ANKRD34C: variants seen among roughly 807,000 people sequenced by gnomAD.
The protein encoded by ANKRD34C is ankyrin repeat domain 34C.
For synonymous variants in ANKRD34C, 260 were observed against 253.6 expected (o/e 1.03, Z -0.24); for missense variants, 563 against 653.0 (o/e 0.86, Z 1.50).
At chr15:79,292,519 G>A (rs1483160892) in intron 1 of ANKRD34C, among the ~76,000 whole-genome samples, 1 of 152,102 alleles carries the variant, frequency 6.6e-6, no homozygotes, top group East Asian at 1.9e-4. Context: ...TTCTGAATAC[G>A]GAGAATATGA....
At position 79,293,426 on chromosome 15, in the gene ANKRD34C, C is replaced by G; in HGVS notation, c.142C>G (p.Leu48Val). The change falls in exon 2 of 2, where the codon CTC becomes GTC. Residue 48 changes from leucine to valine, a missense_variant. Physicochemically the swap from Leu to Val is conservative, Grantham distance 32 (BLOSUM62 1). Transcript: ENST00000421388. ...AAGCAATGACAAAGGCGAAACAGCT[C>G]TCATGGTGGCGTGCATCACCAAACA... ...NESNDKGETA[L>V]MVACITKHVD... 1 of 1,551,690 alleles carries G rather than the reference C, an allele frequency of 6.4e-7. No homozygotes were observed.
intron 1 of ANKRD34C, among the ~76,000 whole-genome samples, chr15:79,284,261 A>G (rs1159375350): frequency 6.6e-6 from 1 of 152,188 alleles, no homozygotes; most frequent in Non-Finnish European, 1.5e-5. Context: ...GCCAGATTGC[A>G]GTGGTGGGAG....
rs754807675 is a variant in ANKRD34C at position 79,293,437 on chromosome 15, G to A, written c.153G>A (p.Ala51=). 3.0e-5 allele frequency: 46 copies of A among 1,551,584 alleles called. No individual in the cohort carries two copies. Among genetic ancestry groups the A allele is most frequent in the East Asian group, 1.2e-4 (5 of 40,926 alleles). The part of the protein sequence containing the change: ...NDKGETALMV[A]CITKHVDQQS... ...AAGGCGAAACAGCTCTCATGGTGGC[G>A]TGCATCACCAAACATGTGGACCAGC... The change falls in exon 2 of 2, where the codon GCG becomes GCA. Residue 51 remains alanine (A), a synonymous_variant. Coordinates refer to ENST00000421388, the MANE Select transcript of ANKRD34C (RefSeq NM_001146341.2).
At chr15:79,289,102 G>A (rs1022667936) in intron 1 of ANKRD34C, among the ~76,000 whole-genome samples, 1 of 152,186 alleles carries the variant, frequency 6.6e-6, no homozygotes, top group Non-Finnish European at 1.5e-5. Flanking sequence ...TTACAGGCGT[G>A]AGCCACCGTG....
Position 79,296,031 on chromosome 15 carries a change from A to C in ANKRD34C, c.*1139A>C, listed in dbSNP as rs2141204248. The C allele has an allele frequency of 6.0e-6, 1 of 167,252 alleles. No homozygotes were observed. The highest frequency in any genetic ancestry group is 2.1e-4 in the South Asian group (1 of 4,834). 10.4% of individuals were successfully genotyped at this position (167,252 alleles called of 1,614,324 possible). On this transcript the variant is annotated 3_prime_UTR_variant, in exon 2 of 2. Coordinates refer to ENST00000421388, the MANE Select transcript of ANKRD34C (RefSeq NM_001146341.2). Reference sequence around the variant, plus strand: ...AATCCAAGAAGGAAAGCAGAGACTTAGCACATTTGGTATAATGTAGCCACA... The same window carrying C: ...AATCCAAGAAGGAAAGCAGAGACTTCGCACATTTGGTATAATGTAGCCACA...
Position 79,293,654 on chromosome 15 carries a change from G to A in ANKRD34C, c.370G>A (p.Val124Ile). ...LEDRTGASAL[V>I]YAINADDKDA... ...AGATCGCACTGGGGCTTCAGCTCTGGTTTATGCAATAAATGCAGATGACAA... is the reference window on the plus strand; with the variant it reads ...AGATCGCACTGGGGCTTCAGCTCTGATTTATGCAATAAATGCAGATGACAA... Residue 124 changes from valine (V) to isoleucine (I), a missense_variant, in exon 2 of 2, where the codon GTT becomes ATT. Physicochemically the swap from Val to Ile is conservative, Grantham distance 29. Transcript: ENST00000421388. 1 of 1,551,648 alleles carries A rather than the reference G, an allele frequency of 6.4e-7. No individual in the cohort carries two copies. The highest frequency in any genetic ancestry group is 8.7e-7 in the Non-Finnish European group (1 of 1,146,974).
In ANKRD34C at chr15:79,294,641, G is replaced by T. The variant is rs1356441438; in HGVS notation, c.1357G>T (p.Asp453Tyr). The change falls in exon 2 of 2, where the codon GAT becomes TAT. Residue 453 changes from aspartate to tyrosine, a missense_variant. Transcript: ENST00000421388. ...ACGAGGTTCTGGAACTCTGCTCCTT[G>T]ATCGCATTTCTCACACTAGGCCTGG... ...ERRGSGTLLL[D>Y]RISHTRPGFL... The T allele has an allele frequency of 6.4e-7, 1 of 1,551,646 alleles. No homozygotes were observed. Among genetic ancestry groups the T allele is most frequent in the Non-Finnish European group, 8.7e-7 (1 of 1,146,984 alleles).
Position 79,298,032 on chromosome 15 carries a change from G to T in ANKRD34C, c.*3140G>T, listed in dbSNP as rs1180596593. 1.2e-5 allele frequency: 2 copies of T among 166,554 alleles called. No homozygotes were observed. The highest frequency in any genetic ancestry group is 1.3e-4 in the Admixed American group (2 of 15,246). 10.3% of individuals were successfully genotyped at this position (166,554 alleles called of 1,614,324 possible). Reference sequence around the variant, plus strand: ...TCTCTTAGAACTTCATCAAGTAAATGGTACCTTGCAAATGTAGGTTGTGTC... The same window carrying T: ...TCTCTTAGAACTTCATCAAGTAAATTGTACCTTGCAAATGTAGGTTGTGTC... On this transcript the variant is annotated 3_prime_UTR_variant, in exon 2 of 2. Coordinates refer to ENST00000421388, the MANE Select transcript of ANKRD34C (RefSeq NM_001146341.2).
At position 79,295,654 on chromosome 15, in the gene ANKRD34C, A is replaced by T. The variant is rs2058670580; in HGVS notation, c.*762A>T. 6.0e-6 allele frequency: 1 copy of T among 167,112 alleles called. No homozygotes were observed. Among genetic ancestry groups the T allele is most frequent in the Non-Finnish European group, 1.5e-5 (1 of 68,122 alleles). The allele number at this position is 167,112 out of a possible 1,614,324, so 10.4% of individuals were successfully genotyped here. A position where few individuals can be genotyped will look rare whatever the true frequency, so the allele number is the denominator to read the frequency against. On this transcript the variant is annotated 3_prime_UTR_variant, in exon 2 of 2. Coordinates refer to ENST00000421388, the MANE Select transcript of ANKRD34C (RefSeq NM_001146341.2). ...CAGGCTCTTGTATTGAAATCTTGTGAAAAACAGTCAAGGTTAACTAACTTG... is the reference window on the plus strand; with the variant it reads ...CAGGCTCTTGTATTGAAATCTTGTGTAAAACAGTCAAGGTTAACTAACTTG...
chr15:79,285,201 G>C (rs1320119752), intron 1 of ANKRD34C, among the ~76,000 whole-genome samples: 1 of 152,120 alleles, frequency 6.6e-6, no homozygotes, highest in Non-Finnish European at 1.5e-5. Context: ...AACTTGCTCT[G>C]GTCTCTAAGT....
chr15:79,293,943 G>A lies in ANKRD34C; in HGVS notation c.659G>A (p.Cys220Tyr). 1 of 1,551,672 alleles carries A rather than the reference G, an allele frequency of 6.4e-7. No individual in the cohort carries two copies. Among genetic ancestry groups the A allele is most frequent in the East Asian group, 2.4e-5 (1 of 40,910 alleles). ...CTCCAAGCAGGGCATCCAAGCAGTT[G>A]TAACACCTCCAAGGCTGTTAATGAG... The part of the protein sequence containing the change: ...FSLQAGHPSS[C>Y]NTSKAVNEPG... Residue 220 changes from cysteine (C) to tyrosine (Y), a missense_variant, in exon 2 of 2, where the codon TGT becomes TAT. Transcript: ENST00000421388.
chr15:79,292,363 C>G (rs1334530463), intron 1 of ANKRD34C, among the ~76,000 whole-genome samples: 1 of 152,200 alleles, frequency 6.6e-6, no homozygotes, highest in Non-Finnish European at 1.5e-5. Context: ...AGAATCAAAA[C>G]AGAAAACTCA....
intron 1 of ANKRD34C, among the ~76,000 whole-genome samples, chr15:79,291,519 A>G (rs1244645145): frequency 6.6e-6 from 1 of 151,596 alleles, no homozygotes; most frequent in African/African-American, 2.4e-5. Flanking sequence ...AGGAATAAAA[A>G]TAATTAAAAT....
At position 79,288,482 on chromosome 15, in the gene ANKRD34C, G is replaced by A. The variant is rs548998309; in HGVS notation, c.-44-4759G>A. ...ATTGGTCAACATCTGTTCTACAAAGGGTTAACTCCCTCATACTTCTTGGTT... is the reference window on the plus strand; with the variant it reads ...ATTGGTCAACATCTGTTCTACAAAGAGTTAACTCCCTCATACTTCTTGGTT... On this transcript the variant is annotated intron_variant, in intron 1 of 1. Transcript: ENST00000421388. Among the ~76,000 whole-genome samples, 11 of 152,236 alleles carry A rather than the reference G, an allele frequency of 7.2e-5. No individual in the cohort carries two copies. In the South Asian group the frequency reaches 2.1e-3, roughly 29 times the overall value.
intron 1 of ANKRD34C, among the ~76,000 whole-genome samples, chr15:79,291,587 CACACACACACACACAG>C (rs1435141846): frequency 8.5e-6 from 1 of 117,868 alleles, no homozygotes; most frequent in African/African-American, 3.3e-5. Context: ...CACACACACA[CACACACACACACACAG>C]AGAGAGAGAG....
rs1261979708 is a variant in ANKRD34C at position 79,294,484 on chromosome 15, A to T, written c.1200A>T (p.Lys400Asn). ...PPNSISLESGKGPLDRKKLNS... is the reference protein window; with the variant it reads ...PPNSISLESGNGPLDRKKLNS... The stretch of plus-strand genomic sequence containing the variant: ...ACTCCATTTCCCTTGAATCCGGCAA[A>T]GGACCTTTAGATAGAAAGAAGCTCA... Residue 400 changes from lysine to asparagine, a missense_variant, in exon 2 of 2, where the codon AAA becomes AAT. Coordinates refer to ENST00000421388, the MANE Select transcript of ANKRD34C (RefSeq NM_001146341.2). 1.9e-6 allele frequency: 3 copies of T among 1,551,614 alleles called. No individual in the cohort carries two copies. The highest frequency in any genetic ancestry group is 2.6e-6 in the Non-Finnish European group (3 of 1,147,006).
In ANKRD34C at chr15:79,294,643, T is replaced by A; in HGVS notation, c.1359T>A (p.Asp453Glu). ...GAGGTTCTGGAACTCTGCTCCTTGA[T>A]CGCATTTCTCACACTAGGCCTGGCT... is the stretch of plus-strand genomic sequence containing the variant. ...ERRGSGTLLL[D>E]RISHTRPGFL... The change falls in exon 2 of 2, where the codon GAT (aspartate) becomes GAA (glutamate). Residue 453 changes from aspartate (D) to glutamate (E), a missense_variant. Transcript: ENST00000421388. The A allele has an allele frequency of 6.4e-7, 1 of 1,551,698 alleles. No individual in the cohort carries two copies.
chr15:79,286,204 A>T (rs1229155811), intron 1 of ANKRD34C, among the ~76,000 whole-genome samples: 1 of 81,854 alleles, frequency 1.2e-5, no homozygotes, highest in Non-Finnish European at 2.3e-5. Flanking sequence ...CAGACCAGAG[A>T]GGTGAAAGTG....
intron 1 of ANKRD34C, among the ~76,000 whole-genome samples, chr15:79,290,547 C>T (rs1372974041): frequency 6.6e-6 from 1 of 152,146 alleles, no homozygotes; most frequent in East Asian, 1.9e-4. Context: ...GTCTCACTCA[C>T]ATTGTTGCAG....
Sources: gnomAD v4.1 joint callset for allele counts (sites outside exome capture counted in the v4.1 genomes callset) on GRCh38, gnomAD v4.1.1 for gene constraint, MANE v1.5 for transcripts, NCBI Gene and HGNC (gene_info 2026-07-23, HGNC 2026-07-21) for gene names.